RBFOX1: variants seen among roughly 807,000 people sequenced by gnomAD.
The protein encoded by RBFOX1 is RNA binding fox-1 homolog 1, also known as RNA binding protein fox-1 homolog 1.
In RBFOX1, 8 loss-of-function variants were observed where a neutral mutation model predicts 57.7. That is an observed-to-expected ratio of 0.14 (90% CI 0.08 to 0.25). RBFOX1 has a LOEUF of 0.25. Ranked by LOEUF, RBFOX1 falls within the 10% of genes least tolerant of loss-of-function variation. The probability of loss-of-function intolerance (pLI) is 1.00; values close to 1 mark genes in which losing one functional copy is unlikely to be tolerated. For synonymous variants in RBFOX1, 326 were observed against 222.4 expected, an observed-to-expected ratio of 1.47 and a Z score of -4.15; for missense variants, 611 against 548.5, an observed-to-expected ratio of 1.11 and a Z score of -1.14.
At chr16:5,638,098 A>G (rs896203349) in intron 3 of RBFOX1, among the ~76,000 whole-genome samples, 9 of 152,258 alleles carry the variant, frequency 5.9e-5, no homozygotes. Flanking sequence ...AGAAAATATT[A>G]CAGAGAAGTT....
intron 3 of RBFOX1, among the ~76,000 whole-genome samples, chr16:6,970,809 G>C (rs898836802): frequency 1.3e-5 from 2 of 152,170 alleles, no homozygotes; most frequent in African/African-American, 4.8e-5. Context: ...CTACAAAGGA[G>C]ACTGGCAAAA....
chr16:6,598,865 G>C (rs942500086), intron 2 of RBFOX1, among the ~76,000 whole-genome samples: 1 of 152,180 alleles, frequency 6.6e-6, no homozygotes. Context: ...AGAATCACTT[G>C]AATCCAGGAG....
At chr16:6,293,921 T>A (rs1008460339) in intron 1 of RBFOX1, among the ~76,000 whole-genome samples, 6 of 130,514 alleles carry the variant, frequency 4.6e-5, no homozygotes, top group African/African-American at 1.7e-4. Flanking sequence ...ATAGACGAAT[T>A]GCAGGAATTT....
intron 2 of RBFOX1, among the ~76,000 whole-genome samples, chr16:6,390,587 A>C (rs2092551879): frequency 6.6e-6 from 1 of 152,296 alleles, no homozygotes; most frequent in Middle Eastern, 3.4e-3. Context: ...CATATCAGAT[A>C]GTTATGATTT....
intron 1 of RBFOX1, among the ~76,000 whole-genome samples, chr16:6,112,034 G>C (rs1039170758): frequency 1.3e-5 from 2 of 152,106 alleles, no homozygotes; most frequent in African/African-American, 4.8e-5. Context: ...AAAAAAGTAG[G>C]TGATGTTATA....
chr16:6,520,018 A>C (rs1447330291), intron 2 of RBFOX1, among the ~76,000 whole-genome samples: 2 of 152,146 alleles, frequency 1.3e-5, no homozygotes, highest in African/African-American at 4.8e-5. Flanking sequence ...ACACAAAAAC[A>C]TTGAGAACTC....
At chr16:7,378,848 C>T (rs1272291692) in intron 4 of RBFOX1, among the ~76,000 whole-genome samples, 1 of 152,120 alleles carries the variant, frequency 6.6e-6, no homozygotes, top group African/African-American at 2.4e-5. Context: ...AAGGACCTTC[C>T]AAAGAGGTGG....
At chr16:7,387,214 A>C (rs543791022) in intron 4 of RBFOX1, among the ~76,000 whole-genome samples, 2 of 152,304 alleles carry the variant, frequency 1.3e-5, no homozygotes, top group East Asian at 3.9e-4. Context: ...CCACACACCA[A>C]CCATTGTGCA....
intron 3 of RBFOX1, among the ~76,000 whole-genome samples, chr16:6,869,885 C>T (rs1335519332): frequency 1.3e-5 from 2 of 152,144 alleles, no homozygotes; most frequent in Non-Finnish European, 2.9e-5. Context: ...GTATATGTCT[C>T]CCCGCAGTAA....
intron 4 of RBFOX1, among the ~76,000 whole-genome samples, chr16:7,291,495 T>C (rs765249474): frequency 2.6e-4 from 40 of 152,084 alleles, no homozygotes; most frequent in Non-Finnish European, 5.0e-4. Context: ...ATGATACAAT[T>C]TGGGAACCAA....
At chr16:6,594,712 T>A (rs184633208) in intron 2 of RBFOX1, among the ~76,000 whole-genome samples, 131 of 152,194 alleles carry the variant, frequency 8.6e-4, no homozygotes, top group African/African-American at 3.1e-3. Flanking sequence ...TTTTGAGATG[T>A]TTTTATTGAG....
chr16:6,807,483 C>G (rs998485649), intron 3 of RBFOX1, among the ~76,000 whole-genome samples: 3 of 152,050 alleles, frequency 2.0e-5, no homozygotes, highest in African/African-American at 4.8e-5. Flanking sequence ...GTCCTGAGTT[C>G]TGCACTCACT....
chr16:7,218,020 G>C (rs560134032), intron 4 of RBFOX1, among the ~76,000 whole-genome samples: 1 of 151,502 alleles, frequency 6.6e-6, no homozygotes, highest in South Asian at 2.1e-4. Context: ...TTGTACGTGT[G>C]TGGGGTGTGT....
In RBFOX1 at chr16:7,154,532, G is replaced by A. The variant is rs183995235; in HGVS notation, c.27+102434G>A. On this transcript the variant is annotated intron_variant, in intron 4 of 15. Coordinates refer to ENST00000550418, the MANE Select transcript of RBFOX1 (RefSeq NM_018723.4). ...TCCTACAAGGCAGCCATTTTTGCAG[G>A]CCTTGAGTTGTTAGATAGTCTTCCT... is the stretch of plus-strand genomic sequence containing the variant. 3.1e-3 allele frequency among the ~76,000 whole-genome samples: 471 copies of A among 152,232 alleles called. 1 individual carries two copies. Among genetic ancestry groups the A allele is most frequent in the African/African-American group, 0.011 (458 of 41,548 alleles).
chr16:6,614,412 G>T (rs1279282060), intron 2 of RBFOX1, among the ~76,000 whole-genome samples: 1 of 152,116 alleles, frequency 6.6e-6, no homozygotes, highest in Non-Finnish European at 1.5e-5. Context: ...GAAAGAAGAT[G>T]GTTATTAAAA....
intron 2 of RBFOX1, among the ~76,000 whole-genome samples, chr16:5,523,246 A>G (rs948535126): frequency 1.3e-5 from 2 of 151,820 alleles, no homozygotes; most frequent in African/African-American, 4.8e-5. Flanking sequence ...AGATCGCGCC[A>G]TGGCACACCA....
upstream of RBFOX1, among the ~76,000 whole-genome samples, chr16:6,015,748 C>G (rs1174077174): frequency 6.6e-6 from 1 of 152,224 alleles, no homozygotes; most frequent in Non-Finnish European, 1.5e-5. Context: ...TAGACACGAT[C>G]TTCTCTAGAA....
intron 4 of RBFOX1, among the ~76,000 whole-genome samples, chr16:7,497,439 T>C (rs1264913805): frequency 6.6e-6 from 1 of 152,210 alleles, no homozygotes; most frequent in East Asian, 1.9e-4. Context: ...AGAGCTTTCT[T>C]CTTTGCCCCC....
chr16:6,763,632 G>A (rs1310734030), intron 3 of RBFOX1, among the ~76,000 whole-genome samples: 3 of 152,082 alleles, frequency 2.0e-5, no homozygotes, highest in South Asian at 2.1e-4. Context: ...CACCAATTAC[G>A]TATTTCATTC....
Sources: gnomAD v4.1 joint callset for allele counts (sites outside exome capture counted in the v4.1 genomes callset) on GRCh38, gnomAD v4.1.1 for gene constraint, MANE v1.5 for transcripts, NCBI Gene and HGNC (gene_info 2026-07-23, HGNC 2026-07-21) for gene names.